Variants in SYK observed in about 807,000 individuals in gnomAD.
The protein encoded by SYK is tyrosine-protein kinase SYK.
A neutral mutation model predicts 77.8 loss-of-function variants in SYK; 16 were observed. That is an observed-to-expected ratio of 0.21 (90% CI 0.14 to 0.31). The LOEUF is 0.31. SYK is among the 10% of genes least tolerant of loss of function. The probability of loss-of-function intolerance (pLI) is 1.00; values close to 1 mark genes in which losing one functional copy is unlikely to be tolerated. For synonymous variants in SYK, 312 were observed against 308.7 expected (o/e 1.01, Z -0.11); for missense variants, 529 against 814.4 (o/e 0.65, Z 4.26).
intron 1 of SYK, among the ~76,000 whole-genome samples, chr9:90,823,236 C>T (rs555366208): frequency 6.6e-6 from 1 of 152,160 alleles, no homozygotes; most frequent in Non-Finnish European, 1.5e-5. Context: ...ATGTGCATAA[C>T]AACAGAGCAT....
rs200233293 is a variant in SYK, at chr9:90,896,465, C to G, written c.*865C>G. On this transcript the variant is annotated 3_prime_UTR_variant, in exon 14 of 14. Coordinates refer to ENST00000375754, the MANE Select transcript of SYK (RefSeq NM_003177.7). The stretch of plus-strand genomic sequence containing the variant: ...AGGCTGCCTTCCTCTGAACGTGGTC[C>G]ACACCTTCCTCTCCTCCACAGAGAG... The G allele has an allele frequency of 2.4e-4, 56 of 233,286 alleles. No individual in the cohort carries two copies. In the Middle Eastern group the frequency reaches 5.1e-3, roughly 21 times the overall value. 14.5% of individuals were successfully genotyped at this position (233,286 alleles called of 1,614,324 possible). A position where few individuals can be genotyped will look rare whatever the true frequency, so the allele number is the denominator to read the frequency against.
At chr9:90,846,679 A>AATG (rs1554709258) in intron 3 of SYK, among the ~76,000 whole-genome samples, 2 of 146,674 alleles carry the variant, frequency 1.4e-5, no homozygotes, top group Non-Finnish European at 3.0e-5. Context: ...AAAGAAAAGA[A>AATG]AAATTGACCA....
At chr9:90,826,982 G>T (rs1825685794) in intron 1 of SYK, among the ~76,000 whole-genome samples, 1 of 151,862 alleles carries the variant, frequency 6.6e-6, no homozygotes, top group African/African-American at 2.4e-5. Flanking sequence ...CAGTCTCCTG[G>T]CTGGCAATTA....
At chr9:90,809,232 G>A (rs3789891) in intron 1 of SYK, among the ~76,000 whole-genome samples, 35,565 of 152,078 alleles carry the variant, frequency 0.23, 4,227 homozygotes, top group Middle Eastern at 0.35. Context: ...GGATACCGAG[G>A]GTCCAAATTC....
At chr9:90,838,721 A>C (rs780879077) in intron 1 of SYK, among the ~76,000 whole-genome samples, 6 of 152,254 alleles carry the variant, frequency 3.9e-5, no homozygotes, top group Non-Finnish European at 8.8e-5. Flanking sequence ...GAAAAAAATA[A>C]CTGGGAATGT....
At chr9:90,867,062 G>T in intron 6 of SYK, 69 bp from the exon 7 acceptor site, 1 of 1,574,522 alleles carries the variant, frequency 6.4e-7, no homozygotes, top group Non-Finnish European at 8.7e-7. Context: ...TAAGTAGCAT[G>T]TCGTGGAAGG....
chr9:90,896,497 G>A lies in SYK; in HGVS notation c.*897G>A, dbSNP rs199757614. 3 of 232,860 alleles carry A rather than the reference G, an allele frequency of 1.3e-5. No individual in the cohort carries two copies. Among genetic ancestry groups the A allele is most frequent in the African/African-American group, 2.2e-5 (1 of 45,302 alleles). 14.4% of individuals were successfully genotyped at this position (232,860 alleles called of 1,614,324 possible). A position where few individuals can be genotyped will look rare whatever the true frequency, so the allele number is the denominator to read the frequency against. ...TCCTCTCCTCCACAGAGAGGGTGCC[G>A]CCAGAATCCCCTGTCGCTTTCTGTG... On this transcript the variant is annotated 3_prime_UTR_variant, in exon 14 of 14. Transcript: ENST00000375754.
At chr9:90,846,290 A>G (rs993769357) in intron 3 of SYK, among the ~76,000 whole-genome samples, 1 of 152,320 alleles carries the variant, frequency 6.6e-6, no homozygotes, top group Non-Finnish European at 1.5e-5. Context: ...TCAGTGGGGC[A>G]GTTGTCCCTG....
At chr9:90,887,458 T>C (rs996880293) in intron 11 of SYK, among the ~76,000 whole-genome samples, 1 of 147,244 alleles carries the variant, frequency 6.8e-6, no homozygotes, top group African/African-American at 2.5e-5. Flanking sequence ...CAGGCTGCAG[T>C]GCAGTGGTGT....
intron 11 of SYK, among the ~76,000 whole-genome samples, chr9:90,882,947 G>A (rs1166212903): frequency 6.6e-6 from 1 of 152,038 alleles, no homozygotes; most frequent in African/African-American, 2.4e-5. Flanking sequence ...AGAACCCCTC[G>A]ACCCACGTGG....
intron 1 of SYK, among the ~76,000 whole-genome samples, chr9:90,822,749 A>G (rs931331212): frequency 2.0e-5 from 3 of 152,228 alleles, no homozygotes; most frequent in African/African-American, 7.2e-5. Context: ...CTCACTGCAC[A>G]GCAGCTTCAA....
intron 7 of SYK, among the ~76,000 whole-genome samples, chr9:90,868,919 A>G (rs945889575): frequency 2.0e-5 from 3 of 152,246 alleles, no homozygotes; most frequent in East Asian, 3.8e-4. Context: ...TGGAAAACAA[A>G]TGAAATTGGT....
chr9:90,863,222 C>A (rs1332752189), intron 4 of SYK, among the ~76,000 whole-genome samples: 1 of 152,182 alleles, frequency 6.6e-6, no homozygotes, highest in Non-Finnish European at 1.5e-5. Flanking sequence ...ATCCTATAAA[C>A]TGTAGTAGGT....
chr9:90,887,402 TTTC>T (rs1365664372), intron 11 of SYK, among the ~76,000 whole-genome samples: 3 of 103,234 alleles, frequency 2.9e-5, no homozygotes, highest in African/African-American at 7.5e-5. Context: ...CTTTTCTTTC[TTTC>T]TTTTTTTTTT....
At chr9:90,842,764 T>A (rs909885714) in intron 1 of SYK, among the ~76,000 whole-genome samples, 8 of 96,064 alleles carry the variant, frequency 8.3e-5, no homozygotes, top group East Asian at 3.6e-4. Flanking sequence ...AGAGAGTGTG[T>A]GTGTGTGTGT....
At chr9:90,877,966 T>G (rs1828010191) in intron 10 of SYK, among the ~76,000 whole-genome samples, 186 bp downstream of exon 10, 1 of 152,206 alleles carries the variant, frequency 6.6e-6, no homozygotes, top group African/African-American at 2.4e-5. Context: ...TCAGCTCTGT[T>G]AGCTCTAGTT....
intron 3 of SYK, among the ~76,000 whole-genome samples, chr9:90,846,453 C>G (rs1283829174): frequency 6.6e-6 from 1 of 152,206 alleles, no homozygotes. Flanking sequence ...AGCGTTTTCT[C>G]TGCCTGTCCA....
rs752515249 is a variant in SYK at position 90,878,725 on chromosome 9, A to T, written c.1392-39A>T. ...ATGGTTGTTTGTTGTGAAATGGGTCACTGTCTGTTATAGCTGATGAGATCA... is the reference window on the plus strand; with the variant it reads ...ATGGTTGTTTGTTGTGAAATGGGTCTCTGTCTGTTATAGCTGATGAGATCA... On this transcript the variant is annotated intron_variant, in intron 10 of 13. Transcript: ENST00000375754. 3 of 1,548,560 alleles carry T rather than the reference A, an allele frequency of 1.9e-6. No individual in the cohort carries two copies. In the East Asian group the frequency reaches 6.8e-5, roughly 35 times the overall value.
In SYK at chr9:90,845,920, C is replaced by T. The variant is rs540456456; in HGVS notation, c.578+326C>T. Among the ~76,000 whole-genome samples the T allele has an allele frequency of 6.6e-4, 100 of 152,334 alleles. 3 individuals carry two copies. The South Asian group carries it at 0.021, about 31-fold the overall frequency. On this transcript the variant is annotated intron_variant, in intron 3 of 13. Coordinates refer to ENST00000375754, the MANE Select transcript of SYK (RefSeq NM_003177.7). ...GTTGCATAGCACATTCTGTGGTTAT[C>T]CAACTAAAATTAAAATACTGCAGTT...
Sources: gnomAD v4.1 joint callset for allele counts (sites outside exome capture counted in the v4.1 genomes callset) on GRCh38, gnomAD v4.1.1 for gene constraint, MANE v1.5 for transcripts, NCBI Gene and HGNC (gene_info 2026-07-23, HGNC 2026-07-21) for gene names.